ABTB3: variants seen among roughly 807,000 people sequenced by gnomAD.
ABTB3 encodes the protein ankyrin repeat and BTB domain containing 3.
chr12:107,422,366 T>C, the ABTB3 span, among the ~76,000 whole-genome samples: 1,482 of 152,224 alleles, frequency 9.7e-3, 26 homozygotes, highest in African/African-American at 0.034. Context: ...GATGAGGCCC[T>C]ACAGGTTGCA....
the ABTB3 span, among the ~76,000 whole-genome samples, chr12:107,626,995 T>A: frequency 4.3e-3 from 652 of 152,136 alleles, 3 homozygotes; most frequent in African/African-American, 0.014. Context: ...AAATAAAAAT[T>A]AAAATTAAAA....
At chr12:107,369,097 A>T in the ABTB3 span, among the ~76,000 whole-genome samples, 1 of 152,144 alleles carries the variant, frequency 6.6e-6, no homozygotes, top group Non-Finnish European at 1.5e-5. Flanking sequence ...TTTTGATGTA[A>T]TCAAATCTAC....
At chr12:107,358,843 C>T in the ABTB3 span, among the ~76,000 whole-genome samples, 9 of 152,338 alleles carry the variant, frequency 5.9e-5, no homozygotes, top group East Asian at 1.2e-3. Flanking sequence ...TCACCCTCCT[C>T]GCCTTCCCAA....
At chr12:107,342,413 G>A in the ABTB3 span, among the ~76,000 whole-genome samples, 2 of 152,034 alleles carry the variant, frequency 1.3e-5, no homozygotes, top group Non-Finnish European at 2.9e-5. Flanking sequence ...AAGGACCATG[G>A]TGATGCTGTT....
chr12:107,586,283 A>G, the ABTB3 span, among the ~76,000 whole-genome samples: 1 of 151,656 alleles, frequency 6.6e-6, no homozygotes, highest in African/African-American at 2.4e-5. Flanking sequence ...CCACACGTTG[A>G]CCCCTGAATT....
At chr12:107,353,259 G>A in the ABTB3 span, among the ~76,000 whole-genome samples, 1 of 152,166 alleles carries the variant, frequency 6.6e-6, no homozygotes, top group Non-Finnish European at 1.5e-5. Flanking sequence ...CAGCATGGTG[G>A]GGGGGAGATA....
the ABTB3 span, chr12:107,617,062 G>A: frequency 7.2e-4 from 1,158 of 1,609,034 alleles, 18 homozygotes; most frequent in East Asian, 0.023. Context: ...TCCTCTCACC[G>A]TCTCAATGGC....
the ABTB3 span, chr12:107,657,847 C>T: frequency 3.5e-6 from 3 of 853,890 alleles, no homozygotes; most frequent in South Asian, 3.4e-5. Flanking sequence ...TCTACTGCTC[C>T]CACGTGTTCC....
At chr12:107,495,401 G>A in the ABTB3 span, among the ~76,000 whole-genome samples, 2 of 152,208 alleles carry the variant, frequency 1.3e-5, no homozygotes, top group Admixed American at 6.5e-5. Context: ...CCCCAGCGGG[G>A]ATGGCCCGGC....
At chr12:107,579,917 G>A in the ABTB3 span, among the ~76,000 whole-genome samples, 98 of 152,292 alleles carry the variant, frequency 6.4e-4, no homozygotes, top group Non-Finnish European at 1.2e-3. Flanking sequence ...AGAATCCCAG[G>A]GGCTGCCTAT....
chr12:107,581,012 G>T, the ABTB3 span: 1 of 1,552,190 alleles, frequency 6.4e-7, no homozygotes, highest in South Asian at 1.2e-5. Context: ...TCAGAGGCAG[G>T]GTCTCCAGGG....
chr12:107,606,051 A>G, the ABTB3 span, among the ~76,000 whole-genome samples: 1 of 152,128 alleles, frequency 6.6e-6, no homozygotes, highest in Non-Finnish European at 1.5e-5. Context: ...TCCATAGCTG[A>G]GCTCAAGTAG....
chr12:107,338,738 C>T, the ABTB3 span, among the ~76,000 whole-genome samples: 2 of 152,166 alleles, frequency 1.3e-5, no homozygotes, highest in Non-Finnish European at 2.9e-5. Flanking sequence ...TGTGGCTGAC[C>T]CTGGCCCCTA....
the ABTB3 span, among the ~76,000 whole-genome samples, chr12:107,621,609 G>A: frequency 6.6e-6 from 1 of 152,312 alleles, no homozygotes; most frequent in South Asian, 2.1e-4. Context: ...GTACAGAAAA[G>A]TGCCCAGCTC....
At chr12:107,593,651 G>C in the ABTB3 span, among the ~76,000 whole-genome samples, 9 of 152,300 alleles carry the variant, frequency 5.9e-5, no homozygotes, top group South Asian at 1.0e-3. Flanking sequence ...TAGTTATAAT[G>C]GACATTCAAA....
the ABTB3 span, among the ~76,000 whole-genome samples, chr12:107,535,517 A>C: frequency 6.6e-6 from 1 of 152,206 alleles, no homozygotes; most frequent in African/African-American, 2.4e-5. Flanking sequence ...ATTTAGAAAA[A>C]TCTAAAGAGT....
chr12:107,548,341 CT>C, the ABTB3 span, among the ~76,000 whole-genome samples: 1 of 152,202 alleles, frequency 6.6e-6, no homozygotes, highest in African/African-American at 2.4e-5. Flanking sequence ...TTGTTTTCAT[CT>C]GTGCCCAACA....
the ABTB3 span, among the ~76,000 whole-genome samples, chr12:107,348,656 T>C: frequency 6.6e-6 from 1 of 152,050 alleles, no homozygotes; most frequent in Non-Finnish European, 1.5e-5. Flanking sequence ...GACTGGGAGG[T>C]TGAGGCTGCA....
chr12:107,555,779 C>A, the ABTB3 span, among the ~76,000 whole-genome samples: 3 of 152,210 alleles, frequency 2.0e-5, no homozygotes, highest in Non-Finnish European at 4.4e-5. Flanking sequence ...ACATTCCCAT[C>A]ATCACAGAAA....
Sources: gnomAD v4.1 joint callset for allele counts (sites outside exome capture counted in the v4.1 genomes callset) on GRCh38, gnomAD v4.1.1 for gene constraint, MANE v1.5 for transcripts, NCBI Gene and HGNC (gene_info 2026-07-23, HGNC 2026-07-21) for gene names.